The following SLC38A2 variants were observed in gnomAD, a reference collection of about 807,000 sequenced individuals.
SLC38A2 encodes the protein solute carrier family 38 member 2, also known as sodium-coupled neutral amino acid symporter 2.
SLC38A2 carries 11 observed loss-of-function variants against 61.5 expected under a neutral mutation model. The ratio of observed to expected loss-of-function variants is 0.18; its 90% confidence interval spans 0.11 to 0.30. The LOEUF (loss-of-function observed/expected upper bound fraction) is 0.30, where lower values mean the gene tolerates loss of function less well. Ranked by LOEUF, SLC38A2 falls within the 10% of genes least tolerant of loss-of-function variation. The pLI, the probability that SLC38A2 is intolerant of heterozygous loss-of-function variation, is 1.00. For missense variants in SLC38A2, 522 were observed against 600.4 expected, an observed-to-expected ratio of 0.87 and a Z score of 1.36; for synonymous variants, 217 against 212.5, an observed-to-expected ratio of 1.02 and a Z score of -0.18.
chr12:46,371,426 G>C (rs1244558972), intron 1 of SLC38A2, 47 bp from the exon 2 acceptor site: 9 of 690,298 alleles, frequency 1.3e-5, no homozygotes, highest in African/African-American at 1.3e-4. Context: ...CCAGCCCGCC[G>C]CGGTCACGTG....
At chr12:46,369,929 G>A (rs1203661845) in intron 4 of SLC38A2, among the ~76,000 whole-genome samples, 3 of 152,068 alleles carry the variant, frequency 2.0e-5, no homozygotes. Flanking sequence ...ACAACATGTG[G>A]CAATCGAACA....
rs372995208 is a variant in SLC38A2 at position 46,362,126 on chromosome 12, C to T, written c.1422+158G>A. On this transcript the variant is annotated intron_variant, in intron 15 of 15. Coordinates refer to ENST00000256689, the MANE Select transcript of SLC38A2 (RefSeq NM_018976.5). ...TGGCAAACTATCTTTCCCCTTCCCT[C>T]TGCAATCTTCCATCTGTGAAGTATA... 362 of 583,496 alleles carry T rather than the reference C, an allele frequency of 6.2e-4. 5 individuals are homozygous for T. In the South Asian group the frequency reaches 9.2e-3, roughly 15 times the overall value. The allele number at this position is 583,496 out of a possible 1,614,324, so 36.1% of individuals were successfully genotyped here.
At chr12:46,370,360 A>G (rs1286574578) in intron 4 of SLC38A2, 152 bp downstream of exon 4, 2 of 625,318 alleles carry the variant, frequency 3.2e-6, no homozygotes, top group East Asian at 5.4e-5. Context: ...GTAGTAGAAT[A>G]AAGAGATTTT....
intron 15 of SLC38A2, 111 bp downstream of exon 15, chr12:46,362,173 G>T: frequency 1.1e-6 from 1 of 872,628 alleles, no homozygotes; most frequent in Non-Finnish European, 1.7e-6. Context: ...ATGTTTGCTG[G>T]AAACTTAAAA....
chr12:46,371,959 C>T (rs967055587), intron 1 of SLC38A2, among the ~76,000 whole-genome samples: 1 of 152,166 alleles, frequency 6.6e-6, no homozygotes, highest in African/African-American at 2.4e-5. Context: ...TTTGTTTACA[C>T]ACGCGCGCCA....
chr12:46,363,778 A>C lies in SLC38A2; in HGVS notation c.1002T>G (p.Ala334=), dbSNP rs1304180343. The change falls in exon 12 of 16, where the codon GCT becomes GCG. Residue 334 remains alanine (A), a synonymous_variant. Transcript: ENST00000256689. ...MMNVSKISFF[A]MFLMYLLAAL... is the part of the protein sequence containing the mutation. ...CGGCAAGCAGATACATGAGAAACAT[A>C]GCAAAAAATGAAATCTTGGACACAT... 1.3e-6 allele frequency: 2 copies of C among 1,598,774 alleles called. No individual in the cohort carries two copies. The highest frequency in any genetic ancestry group is 1.8e-5 in the Admixed American group (1 of 55,872).
At chr12:46,370,375 G>A (rs1943182256) in intron 4 of SLC38A2, 137 bp downstream of exon 4, 2 of 651,192 alleles carry the variant, frequency 3.1e-6, no homozygotes, top group Non-Finnish European at 5.4e-6. Context: ...GATTTTTTGG[G>A]GTTTCTCATA....
intron 12 of SLC38A2, 109 bp downstream of exon 12, chr12:46,363,617 C>A: frequency 1.6e-6 from 1 of 617,872 alleles, no homozygotes; most frequent in Non-Finnish European, 2.7e-6. Flanking sequence ...TATATTAAAA[C>A]AGACTATTTT....
chr12:46,365,987 T>C (rs576288965), intron 7 of SLC38A2, among the ~76,000 whole-genome samples: 31 of 152,254 alleles, frequency 2.0e-4, no homozygotes, highest in Middle Eastern at 3.4e-3. Flanking sequence ...AAGATCAGCT[T>C]AAAAAATTAA....
Position 46,360,961 on chromosome 12 carries a change from A to C in SLC38A2, c.*150T>G, listed in dbSNP as rs1247366250. 1 of 593,464 alleles carries C rather than the reference A, an allele frequency of 1.7e-6. No individual in the cohort carries two copies. The highest frequency in any genetic ancestry group is 2.9e-6 in the Non-Finnish European group (1 of 343,212). The allele number at this position is 593,464 out of a possible 1,614,324, so 36.8% of individuals were successfully genotyped here. A position where few individuals can be genotyped will look rare whatever the true frequency, so the allele number is the denominator to read the frequency against. On this transcript the variant is annotated 3_prime_UTR_variant, in exon 16 of 16. Coordinates refer to ENST00000256689, the MANE Select transcript of SLC38A2 (RefSeq NM_018976.5). Reference sequence around the variant, plus strand: ...CTTAAAAAAACAAAACAAAACAAAAAAGTTCACTTATTCTGCACTCAGAAG... The same window carrying C: ...CTTAAAAAAACAAAACAAAACAAAACAGTTCACTTATTCTGCACTCAGAAG...
chr12:46,365,203 A>C lies in SLC38A2; in HGVS notation c.564-14T>G. Reference sequence around the variant, plus strand: ...AGATACCACAATCTAAAGAAAACAGAAACAAGGTCAAAACAGTCACAAATA... The same window carrying C: ...AGATACCACAATCTAAAGAAAACAGCAACAAGGTCAAAACAGTCACAAATA... On this transcript the variant is annotated splice_polypyrimidine_tract_variant and intron_variant, in intron 7 of 15. Coordinates refer to ENST00000256689, the MANE Select transcript of SLC38A2 (RefSeq NM_018976.5). 1 of 1,602,916 alleles carries C rather than the reference A, an allele frequency of 6.2e-7. No individual in the cohort carries two copies. Among genetic ancestry groups the C allele is most frequent in the Non-Finnish European group, 8.5e-7 (1 of 1,169,980 alleles).
Position 46,363,733 on chromosome 12 carries a change from T to C in SLC38A2, c.1047A>G (p.Thr349=), listed in dbSNP as rs745611814. 17 of 1,564,860 alleles carry C rather than the reference T, an allele frequency of 1.1e-5. No homozygotes were observed. In the South Asian group the frequency reaches 1.3e-4, roughly 12 times the overall value. The change falls in exon 12 of 16, where the codon ACA becomes ACG. Residue 349 remains threonine, a synonymous_variant. Coordinates refer to ENST00000256689, the MANE Select transcript of SLC38A2 (RefSeq NM_018976.5). ...AAAGGAGGCGTTACTTACCGTAAAATGTTAGGTATCCAAAGAGGGCGGCAA... is the reference window on the plus strand; with the variant it reads ...AAAGGAGGCGTTACTTACCGTAAAACGTTAGGTATCCAAAGAGGGCGGCAA... The part of the protein sequence containing the change: ...YLLAALFGYL[T]FYEHVESELL...
Position 46,366,950 on chromosome 12 carries a change from A to G in SLC38A2, c.482-5T>C. 1 of 1,613,384 alleles carries G rather than the reference A, an allele frequency of 6.2e-7. No individual in the cohort carries two copies. The highest frequency in any genetic ancestry group is 8.5e-7 in the Non-Finnish European group (1 of 1,179,784). On this transcript the variant is annotated splice_region_variant and splice_polypyrimidine_tract_variant and intron_variant, in intron 6 of 15. Transcript: ENST00000256689. ...TGAAGAGGTAGCTTGACATAGCTGGAGGAAAACAAAATTATACCATTACAA... is the reference window on the plus strand; with the variant it reads ...TGAAGAGGTAGCTTGACATAGCTGGGGGAAAACAAAATTATACCATTACAA...
At chr12:46,364,973 G>T in intron 8 of SLC38A2, 134 bp downstream of exon 8, 1 of 849,842 alleles carries the variant, frequency 1.2e-6, no homozygotes, top group South Asian at 1.6e-5. Flanking sequence ...CCTAAATTTT[G>T]CATGCTGTAA....
chr12:46,369,001 C>T (rs1565829826), intron 4 of SLC38A2, among the ~76,000 whole-genome samples: 1 of 152,174 alleles, frequency 6.6e-6, no homozygotes, highest in Non-Finnish European at 1.5e-5. Context: ...AATAAAATCA[C>T]ACTTTAGCAA....
At chr12:46,366,190 T>A (rs1565828611) in intron 7 of SLC38A2, among the ~76,000 whole-genome samples, 1 of 152,182 alleles carries the variant, frequency 6.6e-6, no homozygotes. Flanking sequence ...ACATGTTGAG[T>A]ATCCCTTATT....
rs949674910 is a variant in SLC38A2 at position 46,371,403 on chromosome 12, C to T, written c.-86-24G>A. 3.4e-4 allele frequency: 279 copies of T among 824,490 alleles called. 2 individuals are homozygous for T. The East Asian group carries it at 6.5e-3, about 19-fold the overall frequency. The allele number at this position is 824,490 out of a possible 1,614,324, so 51.1% of individuals were successfully genotyped here. A position where few individuals can be genotyped will look rare whatever the true frequency, so the allele number is the denominator to read the frequency against. On this transcript the variant is annotated intron_variant, in intron 1 of 15. Coordinates refer to ENST00000256689, the MANE Select transcript of SLC38A2 (RefSeq NM_018976.5). ...GCCTGCGAAAGTAGAGGCGGCGCGT[C>T]AGGACCGCAGCGCCAGCCCGCCGCG...
chr12:46,364,055 TCA>T, intron 10 of SLC38A2, 52 bp from the exon 11 acceptor site: 1 of 1,441,682 alleles, frequency 6.9e-7, no homozygotes, highest in South Asian at 1.3e-5. Flanking sequence ...ACTCATGCTG[TCA>T]CATTTCCGCA....
chr12:46,372,459 C>A lies in SLC38A2; in HGVS notation c.-87+50G>T, dbSNP rs958514656. Reference sequence around the variant, plus strand: ...CCCTCCCGGAAGCCCCTCCCCCACTCTCGCCCGGGCCCCGCGCCCTTCCCA... The same window carrying A: ...CCCTCCCGGAAGCCCCTCCCCCACTATCGCCCGGGCCCCGCGCCCTTCCCA... On this transcript the variant is annotated intron_variant, in intron 1 of 15. Transcript: ENST00000256689. The A allele has an allele frequency of 1.2e-4, 45 of 377,112 alleles. No homozygotes were observed. The Admixed American group carries it at 1.7e-3, about 15-fold the overall frequency. The allele number at this position is 377,112 out of a possible 1,614,324, so 23.4% of individuals were successfully genotyped here.
Sources: gnomAD v4.1 joint callset for allele counts (sites outside exome capture counted in the v4.1 genomes callset) on GRCh38, gnomAD v4.1.1 for gene constraint, MANE v1.5 for transcripts, NCBI Gene and HGNC (gene_info 2026-07-23, HGNC 2026-07-21) for gene names.